The following NBEAL1 variants were observed in gnomAD, a reference collection of about 807,000 sequenced individuals.
NBEAL1 encodes neurobeachin-like protein 1.
NBEAL1 carries 273 observed loss-of-function variants against 351.3 expected under a neutral mutation model. That is an observed-to-expected ratio of 0.78 (90% confidence interval 0.70 to 0.86). The LOEUF (loss-of-function observed/expected upper bound fraction) is 0.86. Among genes scored for constraint, NBEAL1 ranks in the 40% least tolerant of loss-of-function variants. The probability of loss-of-function intolerance (pLI) is 0.00; values close to 1 mark genes in which losing one functional copy is unlikely to be tolerated. For synonymous variants in NBEAL1, 1,050 were observed against 1,086.4 expected, an observed-to-expected ratio of 0.97 and a Z score of 0.66; for missense variants, 2,961 against 3,201.3, an observed-to-expected ratio of 0.92 and a Z score of 1.81.
Position 203,138,256 on chromosome 2 carries a change from A to G in NBEAL1, c.4660A>G (p.Ile1554Val). 1.2e-6 allele frequency: 2 copies of G among 1,614,056 alleles called. No individual in the cohort carries two copies. The highest frequency in any genetic ancestry group is 1.3e-5 in the African/African-American group (1 of 75,064). ...TGAAAACGCCTTCCGACTAGTGCTG[A>G]TCATACAGGACTTTCTTCAGTCAGA... Reference protein sequence around the residue: ...TAENAFRLVLIIQDFLQSEGL... With the variant: ...TAENAFRLVLVIQDFLQSEGL... Residue 1554 changes from isoleucine to valine, a missense_variant, in exon 30 of 56, where the codon ATC (isoleucine) becomes GTC (valine). Coordinates refer to ENST00000683969, the MANE Select transcript of NBEAL1 (RefSeq NM_001378026.1).
At chr2:203,026,259 A>G (rs548042228) in intron 2 of NBEAL1, among the ~76,000 whole-genome samples, 22 of 152,144 alleles carry the variant, frequency 1.4e-4, no homozygotes, top group Non-Finnish European at 2.9e-4. Flanking sequence ...GTAATTTATA[A>G]TGTTAGATAT....
intron 51 of NBEAL1, among the ~76,000 whole-genome samples, chr2:203,205,401 C>T (rs950761680): frequency 4.6e-5 from 7 of 152,220 alleles, no homozygotes; most frequent in African/African-American, 1.7e-4. Context: ...TGTACATAAA[C>T]CCAGTGAAGT....
At chr2:203,023,779 C>T (rs961372468) in intron 2 of NBEAL1, among the ~76,000 whole-genome samples, 2 of 151,798 alleles carry the variant, frequency 1.3e-5, no homozygotes, top group Admixed American at 1.3e-4. Flanking sequence ...GAGGTCTGTG[C>T]TGGAAATAAA....
chr2:203,108,407 T>G (rs942145104), intron 14 of NBEAL1, among the ~76,000 whole-genome samples: 6 of 151,840 alleles, frequency 4.0e-5, no homozygotes, highest in Non-Finnish European at 5.9e-5. Flanking sequence ...TTTTTTTTTT[T>G]TGTTTTTTTG....
At chr2:203,029,157 T>C (rs2060909084) in intron 2 of NBEAL1, among the ~76,000 whole-genome samples, 1 of 152,104 alleles carries the variant, frequency 6.6e-6, no homozygotes, top group Non-Finnish European at 1.5e-5. Flanking sequence ...GCCTGGCTAA[T>C]TTTTTTACTT....
rs763626987 is a variant in NBEAL1, at chr2:203,138,228, T to C, written c.4632T>C (p.Thr1544=). ...ENREAKTNPV[T]AENAFRLVLI... ...GAGAAGCAAAAACTAATCCAGTAAC[T>C]GCTGAAAACGCCTTCCGACTAGTGC... The change falls in exon 30 of 56, where the codon ACT becomes ACC. Residue 1544 remains threonine, a synonymous_variant. Coordinates refer to ENST00000683969, the MANE Select transcript of NBEAL1 (RefSeq NM_001378026.1). 4 of 1,614,118 alleles carry C rather than the reference T, an allele frequency of 2.5e-6. No individual in the cohort carries two copies. Among genetic ancestry groups the C allele is most frequent in the South Asian group, 2.2e-5 (2 of 91,084 alleles).
intron 33 of NBEAL1, among the ~76,000 whole-genome samples, chr2:203,147,453 C>T (rs1031339912): frequency 1.3e-5 from 2 of 151,958 alleles, no homozygotes; most frequent in Admixed American, 1.3e-4. Flanking sequence ...ATCAATCTAA[C>T]AAAATATATA....
intron 18 of NBEAL1, among the ~76,000 whole-genome samples, chr2:203,116,808 G>GAA (rs1491389379): frequency 1.5e-5 from 2 of 134,010 alleles, no homozygotes; most frequent in East Asian, 4.5e-4. Flanking sequence ...AAAAAAAAAA[G>GAA]GGGGGGGCCC....
In NBEAL1 at chr2:203,151,533, T is replaced by C. The variant is rs781374026; in HGVS notation, c.5531T>C (p.Val1844Ala). The change falls in exon 35 of 56, where the codon GTA (valine) becomes GCA (alanine). Residue 1844 changes from valine (V) to alanine (A), a missense_variant. By Grantham distance (64) the Val-to-Ala change is moderately conservative. Transcript: ENST00000683969. ...ENYSRMRLKL[V>A]PNYNFKTHEE... ...TATTCCCGCATGAGACTTAAGCTGG[T>C]ACCGAATTATAATTTCAAAACCCAT... The C allele has an allele frequency of 6.2e-7, 1 of 1,611,078 alleles. No homozygotes were observed. The highest frequency in any genetic ancestry group is 1.1e-5 in the South Asian group (1 of 90,438).
intron 31 of NBEAL1, among the ~76,000 whole-genome samples, chr2:203,143,223 A>G (rs1207873447): frequency 6.6e-6 from 1 of 152,216 alleles, no homozygotes; most frequent in Non-Finnish European, 1.5e-5. Context: ...GGAAACCCCT[A>G]GTGATCTAAT....
rs1192466286 is a variant in NBEAL1 at position 203,166,159 on chromosome 2, G to A, written c.5725G>A (p.Glu1909Lys). 2.5e-6 allele frequency: 4 copies of A among 1,570,834 alleles called. No homozygotes were observed. The highest frequency in any genetic ancestry group is 1.4e-5 in the African/African-American group (1 of 72,130). The part of the protein sequence containing the change: ...ITARVNVDEK[E>K]EQDQKEKLVL... ...TTCTTGTTTTTACAGTGATGAGAAA[G>A]AAGAACAGGATCAAAAAGAAAAATT... is the stretch of plus-strand genomic sequence containing the variant. The change falls in exon 37 of 56, where the codon GAA becomes AAA. Residue 1909 changes from glutamate (E) to lysine (K), a missense_variant. Coordinates refer to ENST00000683969, the MANE Select transcript of NBEAL1 (RefSeq NM_001378026.1).
chr2:203,127,232 A>G (rs2062958789), intron 23 of NBEAL1, among the ~76,000 whole-genome samples: 1 of 152,226 alleles, frequency 6.6e-6, no homozygotes, highest in South Asian at 2.1e-4. Flanking sequence ...TAAGTTAATT[A>G]GTTAATAATG....
At chr2:203,123,965 T>C (rs905274650) in intron 19 of NBEAL1, among the ~76,000 whole-genome samples, 1 of 150,980 alleles carries the variant, frequency 6.6e-6, no homozygotes, top group African/African-American at 2.4e-5. Context: ...TAAAATAATA[T>C]TTGCCTTCCA....
intron 2 of NBEAL1, among the ~76,000 whole-genome samples, chr2:203,038,899 C>G (rs1258192253): frequency 6.7e-6 from 1 of 148,602 alleles, no homozygotes; most frequent in African/African-American, 2.4e-5. Context: ...AGGCTGGTCT[C>G]GAATTCCTGG....
rs1435182432 is a variant in NBEAL1, at chr2:203,222,656, GT to G, written c.*5304del. ...AAAGTACATCTGTTTGCTAATATTA[GT>G]TCCTGGTGACTTTCAGTGAACGTTT... On this transcript the variant is annotated 3_prime_UTR_variant, in exon 56 of 56. Coordinates refer to ENST00000683969, the MANE Select transcript of NBEAL1 (RefSeq NM_001378026.1). Among the ~76,000 whole-genome samples the G allele has an allele frequency of 1.3e-5, 2 of 152,046 alleles. No individual in the cohort carries two copies. The highest frequency in any genetic ancestry group is 2.9e-5 in the Non-Finnish European group (2 of 68,004).
intron 26 of NBEAL1, among the ~76,000 whole-genome samples, chr2:203,132,564 C>A (rs1403856620): frequency 6.6e-6 from 1 of 152,130 alleles, no homozygotes; most frequent in African/African-American, 2.4e-5. Flanking sequence ...TGGCTAGTGA[C>A]AGGTGTGATC....
chr2:203,073,580 A>G (rs1274403757), intron 7 of NBEAL1, among the ~76,000 whole-genome samples: 1 of 152,174 alleles, frequency 6.6e-6, no homozygotes, highest in Non-Finnish European at 1.5e-5. Flanking sequence ...GTTCGGGGCT[A>G]TAGTACACTA....
At chr2:203,016,544 G>A in intron 2 of NBEAL1, 109 bp downstream of exon 2, 4 of 630,238 alleles carry the variant, frequency 6.3e-6, no homozygotes, top group Non-Finnish European at 9.7e-6. Flanking sequence ...TAGTCATAAT[G>A]AATAACCCCA....
At chr2:203,049,163 A>C (rs1373253851) in intron 3 of NBEAL1, among the ~76,000 whole-genome samples, 2 of 152,086 alleles carry the variant, frequency 1.3e-5, no homozygotes, top group African/African-American at 4.8e-5. Flanking sequence ...AAATGTGGGA[A>C]ATGTGATAAC....
Sources: gnomAD v4.1 joint callset for allele counts (sites outside exome capture counted in the v4.1 genomes callset) on GRCh38, gnomAD v4.1.1 for gene constraint, MANE v1.5 for transcripts, NCBI Gene and HGNC (gene_info 2026-07-23, HGNC 2026-07-21) for gene names.